RAP1B: variants seen among roughly 807,000 people sequenced by gnomAD.
The protein encoded by RAP1B is ras-related protein Rap-1b.
A neutral mutation model predicts 27.5 loss-of-function variants in RAP1B; 1 was observed. That is an observed-to-expected ratio of 0.04 (90% CI 0.01 to 0.17). RAP1B has a LOEUF of 0.17. RAP1B is among the 10% of genes least tolerant of loss of function. The pLI is 1.00. For synonymous variants in RAP1B, 75 were observed against 73.1 expected, an observed-to-expected ratio of 1.03 and a Z score of -0.13; for missense variants, 84 against 214.8, an observed-to-expected ratio of 0.39 and a Z score of 3.81.
intron 1 of RAP1B, among the ~76,000 whole-genome samples, chr12:68,622,461 C>G (rs755146410): frequency 1.6e-4 from 24 of 152,204 alleles, no homozygotes; most frequent in Non-Finnish European, 3.1e-4. Context: ...TACTTCACAA[C>G]TTTATCCCCA....
chr12:68,657,206 G>C lies in RAP1B; in HGVS notation c.*19G>C, dbSNP rs769797124. ...GCTTTAATATACTAAATGCATTGTA[G>C]CTCTGAGCCAGGTATGTTCACTTAT... On this transcript the variant is annotated 3_prime_UTR_variant, in exon 7 of 8. Transcript: ENST00000250559. The C allele has an allele frequency of 6.3e-7, 1 of 1,579,274 alleles. No homozygotes were observed. Among genetic ancestry groups the C allele is most frequent in the Non-Finnish European group, 8.7e-7 (1 of 1,149,200 alleles).
At chr12:68,653,429 C>G (rs17105643) in intron 4 of RAP1B, among the ~76,000 whole-genome samples, 27,197 of 151,812 alleles carry the variant, frequency 0.18, 3,033 homozygotes, top group South Asian at 0.44. Context: ...ATGGGATGGT[C>G]TAGATCATGC....
intron 1 of RAP1B, among the ~76,000 whole-genome samples, chr12:68,647,403 C>CCCCCCCCCCCCCG (rs1565670563): frequency 1.4e-5 from 1 of 71,854 alleles, no homozygotes; most frequent in Non-Finnish European, 3.1e-5. Flanking sequence ...CCCCCCCCCC[C>CCCCCCCCCCCCCG]CAAAAAAGGG....
At chr12:68,645,187 T>C (rs539368895) in intron 1 of RAP1B, among the ~76,000 whole-genome samples, 1 of 152,362 alleles carries the variant, frequency 6.6e-6, no homozygotes, top group East Asian at 1.9e-4. Flanking sequence ...TTACATTCTT[T>C]GTAATCCATC....
chr12:68,619,382 C>T (rs542871600), intron 1 of RAP1B, among the ~76,000 whole-genome samples: 1 of 152,266 alleles, frequency 6.6e-6, no homozygotes, highest in Non-Finnish European at 1.5e-5. Flanking sequence ...ATAATGAAAT[C>T]TGTCATTATT....
At chr12:68,613,825 A>G (rs1174805772) in intron 1 of RAP1B, among the ~76,000 whole-genome samples, 1 of 152,234 alleles carries the variant, frequency 6.6e-6, no homozygotes, top group East Asian at 1.9e-4. Flanking sequence ...AATCCTTTAA[A>G]AAGAAACATT....
chr12:68,637,293 A>G (rs569359830), intron 1 of RAP1B, among the ~76,000 whole-genome samples: 73 of 152,134 alleles, frequency 4.8e-4, no homozygotes, highest in African/African-American at 1.7e-3. Context: ...TCCGTATTTC[A>G]CAGATTAAGA....
Position 68,648,722 on chromosome 12 carries a change from A to G in RAP1B, c.-3A>G, listed in dbSNP as rs1261539249. ...AGGTACTAGGTTTTGACAAGCTTGC[A>G]TCATGCGTGAGTATAAGCTAGTCGT... On this transcript the variant is annotated 5_prime_UTR_variant, in exon 2 of 8. Coordinates refer to ENST00000250559, the MANE Select transcript of RAP1B (RefSeq NM_001010942.3). The G allele has an allele frequency of 3.1e-6, 5 of 1,610,210 alleles. No individual in the cohort carries two copies. The South Asian group carries it at 5.5e-5, about 18-fold the overall frequency.
At chr12:68,648,294 T>C (rs1488762165) in intron 1 of RAP1B, among the ~76,000 whole-genome samples, 1 of 152,216 alleles carries the variant, frequency 6.6e-6, no homozygotes, top group Non-Finnish European at 1.5e-5. Flanking sequence ...ACCAACATAT[T>C]ATATTTACCA....
intron 1 of RAP1B, among the ~76,000 whole-genome samples, chr12:68,639,708 T>C (rs1872863832): frequency 6.6e-6 from 1 of 152,168 alleles, no homozygotes; most frequent in African/African-American, 2.4e-5. Context: ...AAACAGCACC[T>C]CATAAGACCA....
chr12:68,656,998 A>G, intron 6 of RAP1B, 103 bp from the exon 7 acceptor site: 1 of 961,374 alleles, frequency 1.0e-6, no homozygotes, highest in Non-Finnish European at 1.6e-6. Context: ...AATTCTGGGC[A>G]TTAATTTATA....
In RAP1B at chr12:68,659,366, G is replaced by A. The variant is rs1246591113; in HGVS notation, c.*117G>A. 1 of 444,328 alleles carries A rather than the reference G, an allele frequency of 2.3e-6. No individual in the cohort carries two copies. Among genetic ancestry groups the A allele is most frequent in the Non-Finnish European group, 4.5e-6 (1 of 223,076 alleles). The allele number at this position is 444,328 out of a possible 1,614,324, so 27.5% of individuals were successfully genotyped here. A position where few individuals can be genotyped will look rare whatever the true frequency, so the allele number is the denominator to read the frequency against. ...CATCTTAAATGGACTTTCCTGTGGT[G>A]GTACCCTTTAAGAGGCGGATGAAAG... On this transcript the variant is annotated 3_prime_UTR_variant, in exon 8 of 8. Transcript: ENST00000250559.
At chr12:68,628,140 T>C (rs1250112469) in intron 1 of RAP1B, among the ~76,000 whole-genome samples, 1 of 152,086 alleles carries the variant, frequency 6.6e-6, no homozygotes, top group African/African-American at 2.4e-5. Flanking sequence ...AGATACTAGC[T>C]TTTCCAGCCT....
rs1874948470 is a variant in RAP1B at position 68,668,664 on chromosome 12, A to G, written c.*9415A>G. ...CTTGGCTCTTCTTTTCTGCCGTCCT[A>G]TGAATCACAAATAGAAGTTTAAGAA... On this transcript the variant is annotated 3_prime_UTR_variant, in exon 8 of 8. Coordinates refer to ENST00000250559, the MANE Select transcript of RAP1B (RefSeq NM_001010942.3). 1 of 152,216 alleles carries G rather than the reference A, an allele frequency of 6.6e-6. No homozygotes were observed. Among genetic ancestry groups the G allele is most frequent in the South Asian group, 2.1e-4 (1 of 4,838 alleles). 9.4% of individuals were successfully genotyped at this position (152,216 alleles called of 1,614,324 possible).
At chr12:68,645,696 G>T (rs1873354217) in intron 1 of RAP1B, among the ~76,000 whole-genome samples, 1 of 152,192 alleles carries the variant, frequency 6.6e-6, no homozygotes, top group Non-Finnish European at 1.5e-5. Context: ...CTAAAAACAG[G>T]ATAATGGCTG....
chr12:68,628,660 T>A (rs2439759), intron 1 of RAP1B, among the ~76,000 whole-genome samples: 108,128 of 152,066 alleles, frequency 0.71, 38,840 homozygotes, highest in African/African-American at 0.79. Flanking sequence ...CCTGATGGTG[T>A]CACTTTTGGT....
chr12:68,631,292 A>G (rs1340901934), intron 1 of RAP1B, among the ~76,000 whole-genome samples: 1 of 152,138 alleles, frequency 6.6e-6, no homozygotes, highest in Non-Finnish European at 1.5e-5. Flanking sequence ...TCCATTTGGT[A>G]TGCTATTTCT....
intron 1 of RAP1B, among the ~76,000 whole-genome samples, chr12:68,639,311 T>A (rs1050602706): frequency 5.9e-5 from 9 of 152,074 alleles, no homozygotes; most frequent in Non-Finnish European, 1.3e-4. Context: ...CCTCATTCCA[T>A]CTTTTTGTAG....
At chr12:68,612,959 A>G (rs1247458899) in intron 1 of RAP1B, among the ~76,000 whole-genome samples, 1 of 152,262 alleles carries the variant, frequency 6.6e-6, no homozygotes, top group Non-Finnish European at 1.5e-5. Flanking sequence ...TCATTGGAAC[A>G]CATGTAGCCA....
Sources: gnomAD v4.1 joint callset for allele counts (sites outside exome capture counted in the v4.1 genomes callset) on GRCh38, gnomAD v4.1.1 for gene constraint, MANE v1.5 for transcripts, NCBI Gene and HGNC (gene_info 2026-07-23, HGNC 2026-07-21) for gene names.